Variants in KCNH8 observed in about 807,000 individuals in gnomAD.
KCNH8 encodes voltage-gated delayed rectifier potassium channel KCNH8.
A neutral mutation model predicts 103.6 loss-of-function variants in KCNH8; 70 were observed. That is an observed-to-expected ratio of 0.68 (90% CI 0.56 to 0.82). KCNH8 has a LOEUF of 0.82. Among genes scored for constraint, KCNH8 ranks in the 40% least tolerant of loss-of-function variants. KCNH8 has a pLI of 0.00. For missense variants in KCNH8, 1,217 were observed against 1,329.9 expected (o/e 0.92, Z 1.32); for synonymous variants, 498 against 489.4 (o/e 1.02, Z -0.23).
chr3:19,362,657 GTT>G (rs2065961947), intron 5 of KCNH8, among the ~76,000 whole-genome samples: 1 of 152,004 alleles, frequency 6.6e-6, no homozygotes, highest in East Asian at 1.9e-4. Flanking sequence ...ATTTGTTTTT[GTT>G]TTTGTTTGTT....
intron 1 of KCNH8, among the ~76,000 whole-genome samples, chr3:19,211,933 G>A (rs1021577089): frequency 7.2e-5 from 11 of 152,160 alleles, no homozygotes; most frequent in African/African-American, 2.7e-4. Flanking sequence ...GTTAATCACT[G>A]AATTTGGGAG....
At chr3:19,459,878 T>C (rs1165979036) in intron 11 of KCNH8, among the ~76,000 whole-genome samples, 2 of 152,132 alleles carry the variant, frequency 1.3e-5, no homozygotes, top group Non-Finnish European at 2.9e-5. Context: ...GAACATTAAT[T>C]ATAGTAATTT....
At position 19,438,380 on chromosome 3, in the gene KCNH8, T is replaced by C. The variant is rs758009405; in HGVS notation, c.1375+19T>C. On this transcript the variant is annotated intron_variant, in intron 8 of 15. Transcript: ENST00000328405. ...ATTGGTGGTAAGAGAGCATCTTCTT[T>C]TATACTAAGAAGAGGAACTATGCCT... 3.1e-6 allele frequency: 5 copies of C among 1,592,050 alleles called. No homozygotes were observed. The highest frequency in any genetic ancestry group is 2.6e-6 in the Non-Finnish European group (3 of 1,162,626).
intron 4 of KCNH8, 63 bp downstream of exon 4, chr3:19,342,777 C>A (rs62279483): frequency 2.7e-4 from 392 of 1,477,606 alleles, no homozygotes; most frequent in Non-Finnish European, 3.3e-4. Flanking sequence ...GTTTGACTCG[C>A]TAAAGAAAGG....
intron 11 of KCNH8, among the ~76,000 whole-genome samples, chr3:19,507,481 C>T (rs1360369699): frequency 6.6e-6 from 1 of 152,084 alleles, no homozygotes; most frequent in Non-Finnish European, 1.5e-5. Flanking sequence ...GCTGAAGGTG[C>T]CAGCATAGTG....
At chr3:19,400,356 C>T (rs947540690) in intron 7 of KCNH8, among the ~76,000 whole-genome samples, 12 of 150,126 alleles carry the variant, frequency 8.0e-5, no homozygotes, top group African/African-American at 2.5e-4. Flanking sequence ...GTGAGTCTAA[C>T]GGTGGAATCC....
chr3:19,474,807 C>A (rs1050434962), intron 11 of KCNH8, among the ~76,000 whole-genome samples: 2 of 152,122 alleles, frequency 1.3e-5, no homozygotes, highest in African/African-American at 4.8e-5. Context: ...CATAAACAGT[C>A]CCGAGTCTGA....
chr3:19,337,538 C>G (rs932058703), intron 3 of KCNH8, among the ~76,000 whole-genome samples: 3 of 152,016 alleles, frequency 2.0e-5, no homozygotes, highest in Non-Finnish European at 4.4e-5. Context: ...CAATTGAAAT[C>G]TTCACCTTTT....
chr3:19,487,314 T>G (rs144615184), intron 11 of KCNH8, among the ~76,000 whole-genome samples: 103 of 152,270 alleles, frequency 6.8e-4, no homozygotes, highest in Non-Finnish European at 1.3e-3. Context: ...CCTAACAATG[T>G]GTAACGGTTA....
intron 15 of KCNH8, among the ~76,000 whole-genome samples, 192 bp from the exon 16 acceptor site, chr3:19,533,203 C>CA (rs201886115): frequency 0.13 from 8,583 of 64,336 alleles, 424 homozygotes; most frequent in East Asian, 0.38. Context: ...GACTCCGTCT[C>CA]AAAAAAAAAA....
At chr3:19,227,556 G>A (rs1400464270) in intron 1 of KCNH8, among the ~76,000 whole-genome samples, 2 of 152,152 alleles carry the variant, frequency 1.3e-5, no homozygotes, top group Non-Finnish European at 2.9e-5. Flanking sequence ...GTATACACAC[G>A]CAGAGGGACA....
At chr3:19,500,816 C>G (rs535474396) in intron 11 of KCNH8, among the ~76,000 whole-genome samples, 37 of 151,970 alleles carry the variant, frequency 2.4e-4, no homozygotes, top group Non-Finnish European at 4.1e-4. Flanking sequence ...TAAATGCCCA[C>G]AAGAGAAAGC....
intron 1 of KCNH8, among the ~76,000 whole-genome samples, chr3:19,245,287 T>A (rs376806150): frequency 1.3e-5 from 2 of 152,346 alleles, no homozygotes; most frequent in South Asian, 2.1e-4. Context: ...GCTTTATTTC[T>A]GAGTTTTCTA....
intron 1 of KCNH8, among the ~76,000 whole-genome samples, chr3:19,210,265 G>A (rs866204014): frequency 1.3e-5 from 2 of 151,948 alleles, no homozygotes; most frequent in Admixed American, 6.6e-5. Context: ...CAAGGCTCTC[G>A]ATGTTTTTTT....
intron 2 of KCNH8, among the ~76,000 whole-genome samples, chr3:19,276,066 G>A (rs2064665991): frequency 6.6e-6 from 1 of 151,994 alleles, no homozygotes; most frequent in South Asian, 2.1e-4. Context: ...CTGAATTACT[G>A]CCCCACTCTT....
At chr3:19,315,799 A>C (rs2065265727) in intron 3 of KCNH8, among the ~76,000 whole-genome samples, 1 of 151,978 alleles carries the variant, frequency 6.6e-6, no homozygotes, top group Admixed American at 6.6e-5. Context: ...TTTGGATGCA[A>C]GTGGTTGAGG....
At chr3:19,362,597 C>T (rs1196791562) in intron 5 of KCNH8, among the ~76,000 whole-genome samples, 3 of 152,122 alleles carry the variant, frequency 2.0e-5, no homozygotes, top group African/African-American at 4.8e-5. Context: ...AACAAAGCAG[C>T]GTATCTTGAG....
intron 6 of KCNH8, among the ~76,000 whole-genome samples, chr3:19,392,064 G>A (rs2066445175): frequency 6.6e-6 from 1 of 150,716 alleles, no homozygotes; most frequent in South Asian, 2.1e-4. Flanking sequence ...TGAGTACTGA[G>A]CGAATATTTT....
chr3:19,344,759 A>G lies in KCNH8; in HGVS notation c.570+2045A>G, dbSNP rs547191087. 2.0e-4 allele frequency among the ~76,000 whole-genome samples: 31 copies of G among 152,094 alleles called. No individual in the cohort carries two copies. The South Asian group carries it at 6.2e-3, about 31-fold the overall frequency. On this transcript the variant is annotated intron_variant, in intron 4 of 15. Coordinates refer to ENST00000328405, the MANE Select transcript of KCNH8 (RefSeq NM_144633.3). ...TGGCTGTAATAACATTTGCACACAC[A>G]AAAAATAATTCTTAACATTTTATAG...
Sources: allele counts gnomAD v4.1 joint callset (sites outside exome capture counted in the v4.1 genomes callset), GRCh38; gene constraint gnomAD v4.1.1; transcripts MANE v1.5; gene names NCBI Gene and HGNC (gene_info 2026-07-23, HGNC 2026-07-21).